The following SMYD2 variants were observed in gnomAD, a reference collection of about 807,000 sequenced individuals.
SMYD2 encodes SET and MYND domain containing 2, also known as N-lysine methyltransferase SMYD2.
SMYD2 carries 53 observed loss-of-function variants against 59.1 expected under a neutral mutation model. The ratio of observed to expected loss-of-function variants is 0.90; its 90% CI spans 0.72 to 1.13. SMYD2 has a LOEUF of 1.13. SMYD2 is among the 50% of genes most tolerant of loss of function. SMYD2 has a pLI of 0.00. For synonymous variants in SMYD2, 208 were observed against 198.8 expected, an observed-to-expected ratio of 1.05 and a Z score of -0.39; for missense variants, 494 against 544.7, an observed-to-expected ratio of 0.91 and a Z score of 0.93.
At chr1:214,282,046 G>A (rs1171348683) in intron 1 of SMYD2, among the ~76,000 whole-genome samples, 2 of 152,206 alleles carry the variant, frequency 1.3e-5, no homozygotes, top group South Asian at 2.1e-4. Context: ...GTCCAGTTTC[G>A]GTTTGGGATT....
At chr1:214,327,848 T>G in intron 7 of SMYD2, 124 bp downstream of exon 7, 1 of 740,978 alleles carries the variant, frequency 1.3e-6, no homozygotes, top group South Asian at 1.7e-5. Context: ...GCAGTTTAGC[T>G]GAGTCTGCCC....
intron 5 of SMYD2, 41 bp from the exon 6 acceptor site, chr1:214,324,600 T>C: frequency 6.5e-7 from 1 of 1,535,456 alleles, no homozygotes; most frequent in Non-Finnish European, 8.9e-7. Flanking sequence ...AGAAAGAAGC[T>C]CCAGCTCATT....
At chr1:214,330,054 T>A in intron 7 of SMYD2, 114 bp from the exon 8 acceptor site, 1 of 605,798 alleles carries the variant, frequency 1.7e-6, no homozygotes, top group Non-Finnish European at 2.8e-6. Context: ...ATTCCTCCGC[T>A]GCAGCCCGCC....
intron 1 of SMYD2, among the ~76,000 whole-genome samples, chr1:214,299,484 C>CATATATATATATATATATAT (rs1656787939): frequency 2.4e-5 from 1 of 41,056 alleles, no homozygotes; most frequent in African/African-American, 9.1e-5. Context: ...TATATATATA[C>CATATATATATATATATATAT]ACCATAGAAT....
chr1:214,334,215 GT>G lies in SMYD2; in HGVS notation c.1129del (p.Tyr377ThrfsTer10). On this transcript the variant is annotated frameshift_variant, in exon 11 of 12. Coordinates refer to ENST00000366957, the MANE Select transcript of SMYD2 (RefSeq NM_020197.3). LOFTEE classifies it high-confidence loss of function. ...IKPYSKHYPL[Y>X]SLNVASMWLK... ...CTTGTTCTAGTAAGCACTATCCTTTGTACTCCCTCAACGTGGCCTCCATGTG... is the reference window on the plus strand; with the variant it reads ...CTTGTTCTAGTAAGCACTATCCTTTGACTCCCTCAACGTGGCCTCCATGTG... 1 of 1,613,970 alleles carries G rather than the reference GT, an allele frequency of 6.2e-7. No homozygotes were observed. The highest frequency in any genetic ancestry group is 8.5e-7 in the Non-Finnish European group (1 of 1,179,972).
intron 5 of SMYD2, among the ~76,000 whole-genome samples, chr1:214,324,076 C>T (rs536664681): frequency 2.2e-4 from 34 of 152,220 alleles, no homozygotes; most frequent in Non-Finnish European, 4.1e-4. Flanking sequence ...TACAGGCATG[C>T]GCCACCACGC....
chr1:214,330,605 A>C lies in SMYD2; in HGVS notation c.816+327A>C, dbSNP rs1174100232. ...TAGGCTTTCCAACCTGTTCACCAGA[A>C]TATGTGGAAGTTTCCCTGGCATTTT... On this transcript the variant is annotated intron_variant, in intron 8 of 11. Coordinates refer to ENST00000366957, the MANE Select transcript of SMYD2 (RefSeq NM_020197.3). 3.3e-5 allele frequency among the ~76,000 whole-genome samples: 5 copies of C among 152,254 alleles called. No individual in the cohort carries two copies. The East Asian group carries it at 9.6e-4, about 29-fold the overall frequency.
In SMYD2 at chr1:214,330,244, C is replaced by T. The variant is rs748800686; in HGVS notation, c.782C>T (p.Thr261Ile). 1 of 1,613,254 alleles carries T rather than the reference C, an allele frequency of 6.2e-7. No homozygotes were observed. Among genetic ancestry groups the T allele is most frequent in the South Asian group, 1.1e-5 (1 of 90,928 alleles). The change falls in exon 8 of 12, where the codon ACC (threonine) becomes ATC (isoleucine). Residue 261 changes from threonine (T) to isoleucine (I), a missense_variant. Coordinates refer to ENST00000366957, the MANE Select transcript of SMYD2 (RefSeq NM_020197.3). The part of the protein sequence containing the change: ...NDRLRDSYFF[T>I]CECQECTTKD... ...CGGTTAAGAGATTCTTATTTCTTTACCTGTGAGTGCCAGGAGTGTACCACC... is the reference window on the plus strand; with the variant it reads ...CGGTTAAGAGATTCTTATTTCTTTATCTGTGAGTGCCAGGAGTGTACCACC...
In SMYD2 at chr1:214,314,839, T is replaced by G. The variant is rs374731132; in HGVS notation, c.315T>G (p.Thr105=). 2 of 1,614,154 alleles carry G rather than the reference T, an allele frequency of 1.2e-6. No homozygotes were observed. Among genetic ancestry groups the G allele is most frequent in the Admixed American group, 3.3e-5 (2 of 60,028 alleles). ...GGGAAAACTGGAATCCCTCGGAGAC[T>G]GTAAGACTAACAGCAAGGATTCTGG... ...VFGENWNPSE[T]VRLTARILAK... The change falls in exon 3 of 12, where the codon ACT becomes ACG. Residue 105 remains threonine, a synonymous_variant. Transcript: ENST00000366957.
At chr1:214,293,381 C>T (rs937423818) in intron 1 of SMYD2, among the ~76,000 whole-genome samples, 3 of 152,130 alleles carry the variant, frequency 2.0e-5, no homozygotes, top group African/African-American at 7.2e-5. Flanking sequence ...TACTTCAGCC[C>T]ACACAGCTTT....
At chr1:214,281,882 T>C (rs547516482) in intron 1 of SMYD2, among the ~76,000 whole-genome samples, 1 of 152,346 alleles carries the variant, frequency 6.6e-6, no homozygotes, top group Non-Finnish European at 1.5e-5. Context: ...CTGCCTCAGA[T>C]TGGCCGTTTC....
At chr1:214,299,918 T>G (rs1656794743) in intron 1 of SMYD2, among the ~76,000 whole-genome samples, 1 of 152,182 alleles carries the variant, frequency 6.6e-6, no homozygotes, top group South Asian at 2.1e-4. Context: ...GTTCTCACTT[T>G]GAAGTGGGAG....
chr1:214,331,987 C>A, intron 9 of SMYD2, 31 bp from the exon 10 acceptor site: 1 of 1,597,566 alleles, frequency 6.3e-7, no homozygotes, highest in Non-Finnish European at 8.5e-7. Flanking sequence ...GCAGCTTGGG[C>A]CCGGTGGCCC....
At chr1:214,309,699 C>T (rs1656968641) in intron 2 of SMYD2, among the ~76,000 whole-genome samples, 1 of 152,148 alleles carries the variant, frequency 6.6e-6, no homozygotes, top group Non-Finnish European at 1.5e-5. Flanking sequence ...AGGTTCAATC[C>T]TGGTTCAGTT....
At position 214,318,119 on chromosome 1, in the gene SMYD2, C is replaced by A; in HGVS notation, c.389C>A (p.Ala130Asp). The change falls in exon 4 of 12, where the codon GCT becomes GAT. Residue 130 changes from alanine to aspartate, a missense_variant. Coordinates refer to ENST00000366957, the MANE Select transcript of SMYD2 (RefSeq NM_020197.3). This position sits in a 1 kb window ranked among gnomAD's most constrained non-coding sequence, Gnocchi z 5.4. ...PERTPSEKLL[A>D]VKEFESHLDK... ...AGAACACCTTCGGAAAAATTGTTAG[C>A]TGTGAAGGAGTTTGAATCACGTAAG... 1 of 1,613,944 alleles carries A rather than the reference C, an allele frequency of 6.2e-7. No homozygotes were observed. Among genetic ancestry groups the A allele is most frequent in the Non-Finnish European group, 8.5e-7 (1 of 1,180,002 alleles).
rs983240115 is a variant in SMYD2, at chr1:214,318,248, T to G, written c.409+109T>G. On this transcript the variant is annotated intron_variant, in intron 4 of 11. Transcript: ENST00000366957. The surrounding 1 kb of genome is among the most constrained non-coding windows in gnomAD (Gnocchi z 5.4). The stretch of plus-strand genomic sequence containing the variant: ...AGTTTGTGCTCAGAGGAGTAGTGAT[T>G]TCTTTGATTACTAGTTTTTATTTTT... The G allele has an allele frequency of 6.1e-6, 6 of 980,494 alleles. No homozygotes were observed. Among genetic ancestry groups the G allele is most frequent in the Non-Finnish European group, 9.1e-6 (6 of 655,940 alleles). 60.7% of individuals were successfully genotyped at this position (980,494 alleles called of 1,614,324 possible). A position where few individuals can be genotyped will look rare whatever the true frequency, so the allele number is the denominator to read the frequency against.
chr1:214,292,116 GAGAGAA>G (rs1656645282), intron 1 of SMYD2, among the ~76,000 whole-genome samples: 1 of 151,396 alleles, frequency 6.6e-6, no homozygotes, highest in Non-Finnish European at 1.5e-5. Flanking sequence ...GAGAGAGAGA[GAGAGAA>G]GCCCACCTCT....
At chr1:214,283,318 G>T (rs1198065101) in intron 1 of SMYD2, among the ~76,000 whole-genome samples, 3 of 152,134 alleles carry the variant, frequency 2.0e-5, no homozygotes, top group Non-Finnish European at 4.4e-5. Context: ...ACATTTATTA[G>T]TGTTACTCAC....
rs752635613 is a variant in SMYD2 at position 214,318,054 on chromosome 1, G to T, written c.349-25G>T. On this transcript the variant is annotated intron_variant, in intron 3 of 11. Transcript: ENST00000366957. This position sits in a 1 kb window ranked among gnomAD's most constrained non-coding sequence, Gnocchi z 5.4. ...ACTGGTTGTTAAAAAATCTGTATCT[G>T]TGTGATTTCTTCCCCAATTGCTAGA... 2.5e-6 allele frequency: 4 copies of T among 1,605,992 alleles called. No individual in the cohort carries two copies. The highest frequency in any genetic ancestry group is 2.7e-5 in the African/African-American group (2 of 74,732).
Sources: allele counts gnomAD v4.1 joint callset (sites outside exome capture counted in the v4.1 genomes callset), GRCh38; gene constraint gnomAD v4.1.1; non-coding constraint Gnocchi (gnomAD v3.1); transcripts MANE v1.5; gene names NCBI Gene and HGNC (gene_info 2026-07-23, HGNC 2026-07-21).